PLA2G6: variants seen among roughly 807,000 people sequenced by gnomAD.
The protein encoded by PLA2G6 is phospholipase A2 group VI, also known as 85/88 kDa calcium-independent phospholipase A2.
A neutral mutation model predicts 83.8 loss-of-function variants in PLA2G6; 62 were observed. That is an observed-to-expected ratio of 0.74 (90% CI 0.60 to 0.91). The LOEUF (loss-of-function observed/expected upper bound fraction) is 0.91. PLA2G6 is among the 40% of genes least tolerant of loss of function. The probability of loss-of-function intolerance (pLI) is 0.00; values close to 1 mark genes in which losing one functional copy is unlikely to be tolerated. For synonymous variants in PLA2G6, 417 were observed against 449.8 expected, an observed-to-expected ratio of 0.93 and a Z score of 0.92; for missense variants, 944 against 1,102.0, an observed-to-expected ratio of 0.86 and a Z score of 2.03.
At chr22:38,150,256 G>A (rs930412757) in intron 2 of PLA2G6, 3 of 152,066 alleles carry the variant, frequency 2.0e-5, no homozygotes, top group African/African-American at 7.2e-5. Flanking sequence ...AAGTGATGCC[G>A]TCCCAGCTTC....
At chr22:38,152,650 A>T (rs1201390674) in intron 2 of PLA2G6, among the ~76,000 whole-genome samples, 1 of 152,158 alleles carries the variant, frequency 6.6e-6, no homozygotes, top group East Asian at 1.9e-4. Context: ...CCTCTTTTCT[A>T]TGTATAATAC....
intron 2 of PLA2G6, chr22:38,150,603 TTGTA>T (rs2089513515): frequency 6.6e-6 from 1 of 152,258 alleles, no homozygotes; most frequent in Non-Finnish European, 1.5e-5. Flanking sequence ...ACAATATGTA[TTGTA>T]TGTAACATAA....
intron 5 of PLA2G6, chr22:38,136,260 A>T (rs1201804173): frequency 2.0e-5 from 3 of 152,148 alleles, no homozygotes; most frequent in Admixed American, 2.0e-4. Flanking sequence ...CAACATTGTA[A>T]ATGTGATTAA....
chr22:38,171,618 A>G (rs62228622), intron 1 of PLA2G6, among the ~76,000 whole-genome samples: 3,339 of 152,150 alleles, frequency 0.022, 65 homozygotes, highest in Non-Finnish European at 0.036. Flanking sequence ...CAGGAATTTG[A>G]GACCAGCCTG....
chr22:38,127,030 A>G (rs2087903008), intron 9 of PLA2G6: 1 of 1,092,162 alleles, frequency 9.2e-7, no homozygotes, highest in African/African-American at 1.6e-5. Context: ...CACTCTGTCC[A>G]TGTCTTCCTT....
chr22:38,116,299 T>C (rs1227356845), intron 12 of PLA2G6, 88 bp from the exon 13 acceptor site: 1 of 1,432,202 alleles, frequency 7.0e-7, no homozygotes, highest in East Asian at 2.3e-5. Flanking sequence ...GGGCCTTGGG[T>C]AGCAGAGTGC....
chr22:38,127,297 G>A, intron 9 of PLA2G6: 2 of 1,267,446 alleles, frequency 1.6e-6, no homozygotes, highest in South Asian at 1.3e-5. Context: ...AGGGTGCAGG[G>A]GAGGGGGCGT....
At chr22:38,151,734 C>G (rs1457929186) in intron 2 of PLA2G6, among the ~76,000 whole-genome samples, 1 of 152,160 alleles carries the variant, frequency 6.6e-6, no homozygotes, top group Non-Finnish European at 1.5e-5. Flanking sequence ...GAAGGGAATA[C>G]ATAGCTAAAG....
chr22:38,169,066 TG>T, intron 2 of PLA2G6, 151 bp downstream of exon 2: 1 of 691,568 alleles, frequency 1.4e-6, no homozygotes, highest in Non-Finnish European at 2.6e-6. Context: ...CCCTTCCCTC[TG>T]GTCCAAGAGT....
chr22:38,169,580 T>C, intron 1 of PLA2G6, 109 bp from the exon 2 acceptor site: 2 of 693,718 alleles, frequency 2.9e-6, no homozygotes, highest in Admixed American at 4.1e-5. Context: ...ACCAGCGTTG[T>C]CCCCAGATCC....
At position 38,177,445 on chromosome 22, in the gene PLA2G6, G is replaced by A. The variant is rs572568045; in HGVS notation, c.-46+4219C>T. On this transcript the variant is annotated intron_variant, in intron 1 of 16. Transcript: ENST00000332509. ...GCGCCAGACGCTTCACCACAGTTTC[G>A]GGTAAATTGCCACTTTTTTTTTTTT... Among the ~76,000 whole-genome samples the A allele has an allele frequency of 4.7e-5, 7 of 149,254 alleles. No individual in the cohort carries two copies. In the South Asian group the frequency reaches 1.3e-3, roughly 27 times the overall value.
chr22:38,119,805 CCT>C (rs1196319986), intron 12 of PLA2G6, among the ~76,000 whole-genome samples: 3 of 151,674 alleles, frequency 2.0e-5, no homozygotes, highest in Admixed American at 1.3e-4. Context: ...ACAGCAAGAC[CCT>C]GTTTCAAAAA....
chr22:38,112,254 T>G lies in PLA2G6; in HGVS notation c.2328A>C (p.Thr776=). 6.2e-7 allele frequency: 1 copy of G among 1,613,570 alleles called. No homozygotes were observed. Among genetic ancestry groups the G allele is most frequent in the Non-Finnish European group, 8.5e-7 (1 of 1,179,798 alleles). ...TDIMLDEVSD[T]VLVNALWETE... Reference sequence around the variant, plus strand: ...TCTCCCAGAGGGCGTTGACCAGCACTGTGTCACTGACCTCATCCAGCATGA... The same window carrying G: ...TCTCCCAGAGGGCGTTGACCAGCACGGTGTCACTGACCTCATCCAGCATGA... Residue 776 remains threonine (T), a synonymous_variant, in exon 17 of 17, where the codon ACA becomes ACC. Transcript: ENST00000332509.
chr22:38,172,467 C>A (rs527689229), intron 1 of PLA2G6, among the ~76,000 whole-genome samples: 6 of 152,244 alleles, frequency 3.9e-5, no homozygotes, highest in Non-Finnish European at 8.8e-5. Context: ...CCAAGATAGA[C>A]TGACAGAAAA....
chr22:38,132,888 C>G lies in PLA2G6; in HGVS notation c.1020G>C (p.Gly340=), dbSNP rs1375259327. The part of the protein sequence containing the change: ...FDCAIVLLTH[G]ANADARGEHG... ...GCTCTCCGCGGGCATCCGCGTTGGC[C>G]CCGTGGGTCAGCAGCACTATGGCAC... The change falls in exon 7 of 17, where the codon GGG becomes GGC. Residue 340 remains glycine, a synonymous_variant. Transcript: ENST00000332509. This position sits in a 1 kb window ranked among gnomAD's most constrained non-coding sequence, Gnocchi z 5.0. 2 of 1,554,694 alleles carry G rather than the reference C, an allele frequency of 1.3e-6. No individual in the cohort carries two copies. Among genetic ancestry groups the G allele is most frequent in the African/African-American group, 1.4e-5 (1 of 73,280 alleles).
At chr22:38,112,895 C>T (rs2086968778) in intron 15 of PLA2G6, 1 of 519,708 alleles carries the variant, frequency 1.9e-6, no homozygotes. Flanking sequence ...CCTCCTCTCT[C>T]TCTCTCTCTC....
chr22:38,157,587 C>T (rs1001214041), intron 2 of PLA2G6, among the ~76,000 whole-genome samples: 4 of 152,166 alleles, frequency 2.6e-5, no homozygotes, highest in African/African-American at 9.6e-5. Context: ...GGAGAGAAAA[C>T]TTCCAAACTC....
At chr22:38,122,434 C>T (rs1007878000) in intron 11 of PLA2G6, among the ~76,000 whole-genome samples, 2 of 152,078 alleles carry the variant, frequency 1.3e-5, no homozygotes, top group African/African-American at 4.8e-5. Flanking sequence ...ACAGAGGAGC[C>T]GTCACAACAC....
intron 15 of PLA2G6, among the ~76,000 whole-genome samples, chr22:38,113,045 C>T (rs2086978461): frequency 6.6e-6 from 1 of 152,104 alleles, no homozygotes; most frequent in Non-Finnish European, 1.5e-5. Context: ...TAGCTGGGAC[C>T]ACAGGCACAC....
Sources: allele counts gnomAD v4.1 joint callset (sites outside exome capture counted in the v4.1 genomes callset), GRCh38; gene constraint gnomAD v4.1.1; non-coding constraint Gnocchi (gnomAD v3.1); transcripts MANE v1.5; gene names NCBI Gene and HGNC (gene_info 2026-07-23, HGNC 2026-07-21).